Variants in PRKCE observed in about 807,000 individuals in gnomAD.
PRKCE encodes the protein protein kinase C epsilon type.
A neutral mutation model predicts 85.4 loss-of-function variants in PRKCE; 16 were observed. The observed-to-expected ratio is 0.19, with a 90% CI of 0.13 to 0.28. The LOEUF is 0.28. Among genes scored for constraint, PRKCE ranks in the 10% least tolerant of loss-of-function variants. The pLI is 1.00. For missense variants in PRKCE, 573 were observed against 975.2 expected (o/e 0.59, Z 5.49); for synonymous variants, 388 against 371.5 (o/e 1.04, Z -0.51).
intron 11 of PRKCE, among the ~76,000 whole-genome samples, chr2:46,130,051 T>G (rs1179243585): frequency 6.6e-6 from 1 of 152,204 alleles, no homozygotes; most frequent in Non-Finnish European, 1.5e-5. Context: ...CACATGAAAA[T>G]AGCGAGTTTT....
chr2:45,961,452 C>T (rs1701370823), intron 2 of PRKCE, among the ~76,000 whole-genome samples: 1 of 152,166 alleles, frequency 6.6e-6, no homozygotes, highest in Non-Finnish European at 1.5e-5. Flanking sequence ...AACCCCATAG[C>T]CTTTAGGGCT....
At chr2:46,010,026 A>G (rs191244831) in intron 9 of PRKCE, among the ~76,000 whole-genome samples, 49 of 152,356 alleles carry the variant, frequency 3.2e-4, no homozygotes, top group Non-Finnish European at 8.8e-5. Flanking sequence ...AAATAAATAA[A>G]TTGTAGTAAC....
At chr2:45,854,631 C>G (rs923554366) in intron 2 of PRKCE, among the ~76,000 whole-genome samples, 2 of 152,164 alleles carry the variant, frequency 1.3e-5, no homozygotes, top group African/African-American at 4.8e-5. Flanking sequence ...ATGGTTAAGC[C>G]AATGCTCAGG....
chr2:45,651,992 C>G lies in PRKCE; in HGVS notation c.-109C>G. The G allele has an allele frequency of 1.2e-6, 1 of 865,768 alleles. No individual in the cohort carries two copies. Among genetic ancestry groups the G allele is most frequent in the Non-Finnish European group, 1.8e-6 (1 of 551,314 alleles). 53.6% of individuals were successfully genotyped at this position (865,768 alleles called of 1,614,324 possible). ...GGTGTAGGGAGTGTGCGGGGTGGGGCGAAAGGGGACCCAAGAGTCCCTGTG... is the reference window on the plus strand; with the variant it reads ...GGTGTAGGGAGTGTGCGGGGTGGGGGGAAAGGGGACCCAAGAGTCCCTGTG... On this transcript the variant is annotated 5_prime_UTR_variant, in exon 1 of 15. Transcript: ENST00000306156.
chr2:46,063,806 A>G (rs553002054), intron 10 of PRKCE, among the ~76,000 whole-genome samples: 1 of 152,350 alleles, frequency 6.6e-6, no homozygotes, highest in South Asian at 2.1e-4. Context: ...AAATTGGAGT[A>G]GCATTTTCCT....
intron 1 of PRKCE, among the ~76,000 whole-genome samples, chr2:45,700,912 T>G (rs1214123223): frequency 6.6e-6 from 1 of 152,170 alleles, no homozygotes; most frequent in Non-Finnish European, 1.5e-5. Flanking sequence ...AACCAAGGAA[T>G]GCCTGGGGCT....
At chr2:45,884,954 CAT>C (rs745477412) in intron 2 of PRKCE, among the ~76,000 whole-genome samples, 996 of 37,322 alleles carry the variant, frequency 0.027, 10 homozygotes, top group Non-Finnish European at 0.031. Flanking sequence ...ATATGTGATC[CAT>C]ATATATATAT....
intron 10 of PRKCE, chr2:46,010,743 T>G: frequency 6.3e-7 from 1 of 1,598,336 alleles, no homozygotes; most frequent in Non-Finnish European, 8.5e-7. Context: ...TGTAGAATTC[T>G]TTGCAGCCAG....
chr2:45,703,530 C>G (rs1038885579), intron 1 of PRKCE, among the ~76,000 whole-genome samples: 4 of 145,136 alleles, frequency 2.8e-5, no homozygotes, highest in South Asian at 2.2e-4. Context: ...AGAGTGAGAC[C>G]TTGTCTCTAA....
Position 46,159,810 on chromosome 2 carries a change from C to A in PRKCE, c.2067+58C>A. 6.3e-7 allele frequency: 1 copy of A among 1,586,776 alleles called. No homozygotes were observed. Among genetic ancestry groups the A allele is most frequent in the East Asian group, 2.2e-5 (1 of 44,492 alleles). On this transcript the variant is annotated intron_variant, in intron 14 of 14. Transcript: ENST00000306156. The surrounding 1 kb of genome is among the most constrained non-coding windows in gnomAD (Gnocchi z 4.1). ...GGGTCGGGCCCAGGTACTTGCAGGA[C>A]AGGCTGCGTGCACCCAGGAAGAGTT...
At chr2:46,136,621 A>AG (rs775799137) in intron 11 of PRKCE, among the ~76,000 whole-genome samples, 5 of 152,176 alleles carry the variant, frequency 3.3e-5, no homozygotes, top group Non-Finnish European at 5.9e-5. Flanking sequence ...TGGGAAGGAA[A>AG]GGAATACTGT....
rs1438072129 is a variant in PRKCE at position 46,068,377 on chromosome 2, T to G, written c.1438-17831T>G. Among the ~76,000 whole-genome samples, 3 of 152,112 alleles carry G rather than the reference T, an allele frequency of 2.0e-5. No individual in the cohort carries two copies. The highest frequency in any genetic ancestry group is 4.4e-5 in the Non-Finnish European group (3 of 68,024). ...TAATGGTGCTCACCCACCTTGGTAGTTCAGACAATCATAGCAGAGCAGAAC... is the reference window on the plus strand; with the variant it reads ...TAATGGTGCTCACCCACCTTGGTAGGTCAGACAATCATAGCAGAGCAGAAC... On this transcript the variant is annotated intron_variant, in intron 10 of 14. Coordinates refer to ENST00000306156, the MANE Select transcript of PRKCE (RefSeq NM_005400.3). The surrounding 1 kb of genome is among the most constrained non-coding windows in gnomAD (Gnocchi z 4.3).
At chr2:45,926,738 C>T (rs1052202693) in intron 2 of PRKCE, among the ~76,000 whole-genome samples, 8 of 152,312 alleles carry the variant, frequency 5.3e-5, no homozygotes, top group African/African-American at 1.4e-4. Flanking sequence ...CAGAGGGGCT[C>T]CTGTGGGCCA....
chr2:45,738,151 A>G (rs1011576943), intron 1 of PRKCE, among the ~76,000 whole-genome samples: 1 of 152,188 alleles, frequency 6.6e-6, no homozygotes, highest in African/African-American at 2.4e-5. Context: ...TCATCCTGCA[A>G]CTATTACCAG....
chr2:45,984,649 G>A lies in PRKCE; in HGVS notation c.792G>A (p.Trp264Ter). 1 of 1,599,618 alleles carries A rather than the reference G, an allele frequency of 6.3e-7. No homozygotes were observed. The highest frequency in any genetic ancestry group is 8.5e-7 in the Non-Finnish European group (1 of 1,179,844). Residue 264 changes from tryptophan (W) to a stop codon, truncating the protein, a stop_gained, in exon 6 of 15, where the codon TGG becomes TGA. Coordinates refer to ENST00000306156, the MANE Select transcript of PRKCE (RefSeq NM_005400.3). LOFTEE classifies it high-confidence loss of function. ...TFCDHCGSLLWGLLRQGLQCK... is the reference protein window; with the variant it reads ...TFCDHCGSLL ...GCGATCACTGTGGGTCCCTGCTCTG[G>A]GGACTCTTGCGGCAGGGTTTGCAGT...
intron 1 of PRKCE, among the ~76,000 whole-genome samples, chr2:45,841,641 TAACAATGCTTTGC>T (rs1691358403): frequency 6.6e-6 from 1 of 152,216 alleles, no homozygotes; most frequent in South Asian, 2.1e-4. Context: ...ACACACCCAG[TAACAATGCTTTGC>T]ATCCTTCAGT....
At chr2:45,789,562 C>G (rs546679821) in intron 1 of PRKCE, among the ~76,000 whole-genome samples, 2 of 152,250 alleles carry the variant, frequency 1.3e-5, no homozygotes, top group Admixed American at 1.3e-4. Context: ...CCTAGTAGTT[C>G]AAAGCTGCAG....
At chr2:45,782,523 A>G (rs1415975636) in intron 1 of PRKCE, among the ~76,000 whole-genome samples, 3 of 152,096 alleles carry the variant, frequency 2.0e-5, no homozygotes, top group Admixed American at 6.5e-5. Context: ...AATGGTTGCT[A>G]TTGTTCCTGT....
At chr2:45,886,897 A>T (rs1026854856) in intron 2 of PRKCE, among the ~76,000 whole-genome samples, 2 of 152,230 alleles carry the variant, frequency 1.3e-5, no homozygotes, top group Non-Finnish European at 2.9e-5. Flanking sequence ...CTTCACTAGA[A>T]TAGTTTTTTC....
Sources: gnomAD v4.1 joint callset for allele counts (sites outside exome capture counted in the v4.1 genomes callset) on GRCh38, gnomAD v4.1.1 for gene constraint, Gnocchi (gnomAD v3.1) non-coding constraint, MANE v1.5 for transcripts, NCBI Gene and HGNC (gene_info 2026-07-23, HGNC 2026-07-21) for gene names.